C12orf42: variants seen among roughly 807,000 people sequenced by gnomAD.
C12orf42 encodes uncharacterized protein C12orf42.
C12orf42 carries 25 observed loss-of-function variants against 21.6 expected under a neutral mutation model. That is an observed-to-expected ratio of 1.16 (90% CI 0.84 to 1.62). The LOEUF is 1.62. Among genes scored for constraint, C12orf42 ranks in the 40% most tolerant of loss-of-function variants. The pLI is 0.00. For synonymous variants in C12orf42, 174 were observed against 175.0 expected, an observed-to-expected ratio of 0.99 and a Z score of 0.05; for missense variants, 483 against 459.3, an observed-to-expected ratio of 1.05 and a Z score of -0.47.
chr12:103,211,987 C>T, the C12orf42 span, among the ~76,000 whole-genome samples: 41,430 of 151,792 alleles, frequency 0.27, 6,817 homozygotes, highest in Non-Finnish European at 0.37. Flanking sequence ...GAAACTTTGC[C>T]TAAACAAAAT....
At chr12:103,483,575 C>T (rs941895493) in intron 1 of C12orf42, among the ~76,000 whole-genome samples, 16 of 152,048 alleles carry the variant, frequency 1.1e-4, no homozygotes, top group African/African-American at 3.6e-4. Flanking sequence ...TTTTTCTTCA[C>T]CCCTCCCACA....
At chr12:103,290,185 A>G (rs1407197561) in intron 4 of C12orf42, among the ~76,000 whole-genome samples, 1 of 152,178 alleles carries the variant, frequency 6.6e-6, no homozygotes, top group Non-Finnish European at 1.5e-5. Context: ...ATCAGACACA[A>G]CAGTTCAAAG....
the C12orf42 span, among the ~76,000 whole-genome samples, chr12:103,532,250 TGGATACCGTGCAGCCGTGAA>T: frequency 6.6e-6 from 1 of 152,212 alleles, no homozygotes; most frequent in African/African-American, 2.4e-5. Flanking sequence ...ATCTGCATGA[TGGATACCGTGCAGCCGTGAA>T]AAACCAGGTG....
chr12:103,320,926 G>T (rs2136855752), intron 4 of C12orf42, among the ~76,000 whole-genome samples: 1 of 152,274 alleles, frequency 6.6e-6, no homozygotes, highest in East Asian at 1.9e-4. Context: ...TTATTAGAGG[G>T]AAGAATATGC....
At chr12:103,413,547 AG>A (rs1487747884) in intron 2 of C12orf42, among the ~76,000 whole-genome samples, 1 of 151,882 alleles carries the variant, frequency 6.6e-6, no homozygotes, top group African/African-American at 2.4e-5. Context: ...TAAGTCCTTT[AG>A]TGGTGATTTC....
chr12:103,192,661 C>T, the C12orf42 span, among the ~76,000 whole-genome samples: 1 of 152,062 alleles, frequency 6.6e-6, no homozygotes, highest in Admixed American at 6.6e-5. Context: ...TAGGTCATTA[C>T]ATAATGATAA....
chr12:103,354,990 T>C (rs1015604970), intron 4 of C12orf42, among the ~76,000 whole-genome samples: 2 of 152,136 alleles, frequency 1.3e-5, no homozygotes, highest in Non-Finnish European at 2.9e-5. Context: ...ACAAAATGAA[T>C]ACATATATTA....
the C12orf42 span, among the ~76,000 whole-genome samples, chr12:103,507,535 G>C: frequency 1.3e-5 from 2 of 150,834 alleles, no homozygotes; most frequent in African/African-American, 2.4e-5. Flanking sequence ...TTTATTTGTG[G>C]GGTGTGGCGG....
At chr12:103,284,375 C>T (rs537375258) in intron 4 of C12orf42, among the ~76,000 whole-genome samples, 19 of 152,076 alleles carry the variant, frequency 1.2e-4, no homozygotes, top group Non-Finnish European at 2.1e-4. Flanking sequence ...GAGAAACATT[C>T]GATAATCATT....
At chr12:103,231,840 G>C in the C12orf42 span, among the ~76,000 whole-genome samples, 1 of 152,164 alleles carries the variant, frequency 6.6e-6, no homozygotes, top group African/African-American at 2.4e-5. Context: ...AAGTGCAATT[G>C]CTGGATCATA....
the C12orf42 span, among the ~76,000 whole-genome samples, chr12:103,102,935 T>A: frequency 6.6e-6 from 1 of 152,176 alleles, no homozygotes; most frequent in South Asian, 2.1e-4. Context: ...GGCCATCAAC[T>A]GGAGACCACT....
At chr12:103,365,461 G>A (rs1479774047) in intron 4 of C12orf42, among the ~76,000 whole-genome samples, 1 of 152,048 alleles carries the variant, frequency 6.6e-6, no homozygotes, top group Non-Finnish European at 1.5e-5. Context: ...CATAGTACTG[G>A]AAGTCCTAGC....
chr12:103,462,038 T>C (rs1952739371), intron 2 of C12orf42, among the ~76,000 whole-genome samples: 1 of 150,598 alleles, frequency 6.6e-6, no homozygotes, highest in South Asian at 2.1e-4. Context: ...TGCTAATCAA[T>C]CTAACAATCA....
chr12:103,189,505 A>G, the C12orf42 span, among the ~76,000 whole-genome samples: 1 of 152,212 alleles, frequency 6.6e-6, no homozygotes, highest in Non-Finnish European at 1.5e-5. Flanking sequence ...GGGACACAAA[A>G]ACAAGAAAAG....
intron 2 of C12orf42, among the ~76,000 whole-genome samples, chr12:103,437,810 C>T (rs1258888277): frequency 1.6e-4 from 21 of 133,278 alleles, no homozygotes; most frequent in African/African-American, 5.6e-4. Flanking sequence ...GATTCACAGC[C>T]AAATTCTACC....
intron 4 of C12orf42, among the ~76,000 whole-genome samples, chr12:103,331,989 CTTGA>C (rs2041278517): frequency 6.6e-6 from 1 of 151,978 alleles, no homozygotes; most frequent in Non-Finnish European, 1.5e-5. Context: ...TGGGGAGGAC[CTTGA>C]TTAATAGAAA....
At chr12:103,168,140 C>G in the C12orf42 span, 38 of 454,884 alleles carry the variant, frequency 8.4e-5, no homozygotes, top group Admixed American at 8.5e-4. Context: ...CATTAAGAGG[C>G]AAGACCCAGG....
intron 4 of C12orf42, among the ~76,000 whole-genome samples, chr12:103,309,416 T>C (rs1038164903): frequency 6.6e-6 from 1 of 152,226 alleles, no homozygotes; most frequent in African/African-American, 2.4e-5. Flanking sequence ...ATTGTAAGAA[T>C]ACAGTATATA....
At chr12:103,534,890 A>G in the C12orf42 span, among the ~76,000 whole-genome samples, 1 of 152,200 alleles carries the variant, frequency 6.6e-6, no homozygotes, top group African/African-American at 2.4e-5. Context: ...CCCTGGGGTA[A>G]GTGTTTGCTT....
Sources: gnomAD v4.1 joint callset for allele counts (sites outside exome capture counted in the v4.1 genomes callset) on GRCh38, gnomAD v4.1.1 for gene constraint, MANE v1.5 for transcripts, NCBI Gene and HGNC (gene_info 2026-07-23, HGNC 2026-07-21) for gene names.